RC3H1: variants seen among roughly 807,000 people sequenced by gnomAD.
RC3H1 encodes ring finger and CCCH-type domains 1.
Under a neutral mutation model 138.2 loss-of-function variants are expected in RC3H1, and 50 were observed. The observed-to-expected ratio is 0.36, with a 90% confidence interval of 0.29 to 0.46. The LOEUF is 0.46. Among genes scored for constraint, RC3H1 ranks in the 20% least tolerant of loss-of-function variants. The probability of loss-of-function intolerance (pLI) is 1.00; values close to 1 mark genes in which losing one functional copy is unlikely to be tolerated. For synonymous variants in RC3H1, 462 were observed against 489.1 expected (o/e 0.94, Z 0.73); for missense variants, 1,031 against 1,388.1 (o/e 0.74, Z 4.09).
intron 13 of RC3H1, among the ~76,000 whole-genome samples, chr1:173,953,260 T>A (rs1226300760): frequency 6.6e-6 from 1 of 152,184 alleles, no homozygotes. Context: ...TTAAACCACA[T>A]GACCTACCAA....
Position 173,934,039 on chromosome 1 carries a change from A to G in RC3H1, c.*4682T>C, listed in dbSNP as rs1049465323. ...TAACTGGGCCATTCCTTTCAATGAC[A>G]TATAAATCGTTACAGGTGCTTTTTA... On this transcript the variant is annotated 3_prime_UTR_variant, in exon 20 of 20. Coordinates refer to ENST00000367696, the MANE Select transcript of RC3H1 (RefSeq NM_172071.4). The G allele has an allele frequency of 2.0e-5, 3 of 152,170 alleles. No homozygotes were observed. The East Asian group carries it at 5.8e-4, about 29-fold the overall frequency. 9.4% of individuals were successfully genotyped at this position (152,170 alleles called of 1,614,324 possible).
At position 173,941,257 on chromosome 1, in the gene RC3H1, T is replaced by G; in HGVS notation, c.3251+8A>C. 6.4e-7 allele frequency: 1 copy of G among 1,562,874 alleles called. No individual in the cohort carries two copies. Among genetic ancestry groups the G allele is most frequent in the South Asian group, 1.1e-5 (1 of 89,726 alleles). On this transcript the variant is annotated splice_region_variant and intron_variant, in intron 19 of 19. Transcript: ENST00000367696. ...TTAATATGGCTACGACAATCTCCTT[T>G]TCTTTACCTGAATGTCAATGTAAGG... is the stretch of plus-strand genomic sequence containing the variant.
chr1:173,962,082 A>G lies in RC3H1; in HGVS notation c.1845T>C (p.Thr615=). Residue 615 remains threonine, a synonymous_variant, in exon 12 of 20, where the codon ACT becomes ACC. Coordinates refer to ENST00000367696, the MANE Select transcript of RC3H1 (RefSeq NM_172071.4). ...PAPYQQGMYY[T]PPPQCVSRFV... ...AGCGGGACACACATTGTGGTGGTGG[A>G]GTATAATACATACCTGCACAATACA... is the stretch of plus-strand genomic sequence containing the variant. 1 of 1,613,286 alleles carries G rather than the reference A, an allele frequency of 6.2e-7. No homozygotes were observed.
intron 1 of RC3H1, among the ~76,000 whole-genome samples, chr1:174,004,917 G>C (rs891339984): frequency 5.3e-5 from 8 of 151,874 alleles, no homozygotes; most frequent in Non-Finnish European, 1.0e-4. Flanking sequence ...TTTTTAGAGG[G>C]GGGTGGGCAG....
intron 13 of RC3H1, among the ~76,000 whole-genome samples, chr1:173,959,820 T>C (rs190357679): frequency 5.3e-5 from 8 of 151,692 alleles, no homozygotes; most frequent in African/African-American, 9.7e-5. Context: ...GACAACACTG[T>C]CTAGGCCCGG....
chr1:173,946,398 C>T (rs1659138466), intron 17 of RC3H1, 78 bp downstream of exon 17: 2 of 1,389,928 alleles, frequency 1.4e-6, no homozygotes, highest in Non-Finnish European at 9.9e-7. Flanking sequence ...TTTTTGTTCA[C>T]AGTGCCTCAA....
intron 17 of RC3H1, among the ~76,000 whole-genome samples, chr1:173,944,777 A>G (rs982780832): frequency 3.9e-5 from 6 of 152,264 alleles, no homozygotes; most frequent in Non-Finnish European, 7.3e-5. Context: ...TAAGTATTAC[A>G]TAGATTTTTA....
Position 173,961,717 on chromosome 1 carries a change from C to T in RC3H1, c.2202+8G>A. On this transcript the variant is annotated splice_region_variant and intron_variant, in intron 12 of 19. Transcript: ENST00000367696. ...TAAGTCTATGTAATAAAAAAAAATA[C>T]AGCATACTCTGAGGTACGAAGGTCT... The T allele has an allele frequency of 1.3e-6, 2 of 1,596,964 alleles. No homozygotes were observed. The highest frequency in any genetic ancestry group is 2.7e-5 in the African/African-American group (2 of 74,130).
chr1:173,993,027 A>G lies in RC3H1; in HGVS notation c.-42T>C, dbSNP rs1661361328. On this transcript the variant is annotated 5_prime_UTR_variant, in exon 2 of 20. Transcript: ENST00000367696. Reference sequence around the variant, plus strand: ...ATTCACGAACACAAACACACACACAAATCTAAAGCAAAGATTCCACTGGAA... The same window carrying G: ...ATTCACGAACACAAACACACACACAGATCTAAAGCAAAGATTCCACTGGAA... 7.2e-7 allele frequency: 1 copy of G among 1,387,828 alleles called. No individual in the cohort carries two copies. The highest frequency in any genetic ancestry group is 1.4e-5 in the African/African-American group (1 of 70,270). The allele number at this position is 1,387,828 out of a possible 1,614,324, so 86.0% of individuals were successfully genotyped here. A position where few individuals can be genotyped will look rare whatever the true frequency, so the allele number is the denominator to read the frequency against.
At chr1:173,982,975 T>A in intron 4 of RC3H1, 73 bp from the exon 5 acceptor site, 1 of 1,328,288 alleles carries the variant, frequency 7.5e-7, no homozygotes, top group South Asian at 1.4e-5. Flanking sequence ...AGAAGGGGAA[T>A]ATTTAATCAT....
intron 1 of RC3H1, among the ~76,000 whole-genome samples, chr1:174,009,089 C>T (rs890886458): frequency 3.9e-5 from 6 of 151,948 alleles, no homozygotes; most frequent in African/African-American, 1.5e-4. Flanking sequence ...GACACTTCCT[C>T]CAAAATATGT....
chr1:173,982,933 T>A, intron 4 of RC3H1, 31 bp from the exon 5 acceptor site: 1 of 1,580,940 alleles, frequency 6.3e-7, no homozygotes, highest in Non-Finnish European at 8.6e-7. Context: ...CCAAAATTTA[T>A]CAAGTACATA....
At chr1:173,973,024 C>A (rs186994131) in intron 7 of RC3H1, among the ~76,000 whole-genome samples, 1 of 152,310 alleles carries the variant, frequency 6.6e-6, no homozygotes, top group East Asian at 1.9e-4. Flanking sequence ...GCAAGGCTGG[C>A]ACTGCCAGAT....
chr1:173,962,809 AAG>A (rs1659938407), intron 11 of RC3H1, among the ~76,000 whole-genome samples: 3 of 152,336 alleles, frequency 2.0e-5, no homozygotes, highest in Non-Finnish European at 4.4e-5. Context: ...AGGCTACAAA[AAG>A]AGTTGCATTT....
intron 13 of RC3H1, among the ~76,000 whole-genome samples, chr1:173,952,616 TGTA>T (rs1315370173): frequency 6.6e-6 from 1 of 152,096 alleles, no homozygotes; most frequent in Non-Finnish European, 1.5e-5. Context: ...TACATGATGA[TGTA>T]GTAACTTTTT....
intron 6 of RC3H1, among the ~76,000 whole-genome samples, chr1:173,979,945 A>T (rs1660739756): frequency 6.6e-6 from 1 of 151,980 alleles, no homozygotes; most frequent in Non-Finnish European, 1.5e-5. Flanking sequence ...AGGTGCTAAC[A>T]TAGCTCACTG....
chr1:173,941,576 G>C (rs913746908), intron 18 of RC3H1, 196 bp from the exon 19 acceptor site: 1 of 467,870 alleles, frequency 2.1e-6, no homozygotes, highest in African/African-American at 2.0e-5. Context: ...CACTAACCAA[G>C]CTGGACAATA....
At position 173,931,405 on chromosome 1, in the gene RC3H1, G is replaced by A. The variant is rs1206011460; in HGVS notation, c.*7316C>T. On this transcript the variant is annotated 3_prime_UTR_variant, in exon 20 of 20. Transcript: ENST00000367696. ...AACATGAGGCTGAGTCAGTTTCCAA[G>A]GTAATAAAGGAAATAGCATTTTAAC... 2 of 152,074 alleles carry A rather than the reference G, an allele frequency of 1.3e-5. No individual in the cohort carries two copies. The highest frequency in any genetic ancestry group is 2.9e-5 in the Non-Finnish European group (2 of 68,018). The allele number at this position is 152,074 out of a possible 1,614,324, so 9.4% of individuals were successfully genotyped here.
chr1:174,010,027 A>G (rs1386631303), intron 1 of RC3H1, among the ~76,000 whole-genome samples: 2 of 152,174 alleles, frequency 1.3e-5, no homozygotes, highest in African/African-American at 4.8e-5. Flanking sequence ...CTTGGCAACT[A>G]AATTTATTCT....
Sources: gnomAD v4.1 joint callset for allele counts (sites outside exome capture counted in the v4.1 genomes callset) on GRCh38, gnomAD v4.1.1 for gene constraint, MANE v1.5 for transcripts, NCBI Gene and HGNC (gene_info 2026-07-23, HGNC 2026-07-21) for gene names.